TOR1AIP1: variants seen among roughly 807,000 people sequenced by gnomAD.
The protein encoded by TOR1AIP1 is torsin-1A-interacting protein 1.
A neutral mutation model predicts 63.3 loss-of-function variants in TOR1AIP1; 54 were observed. The ratio of observed to expected loss-of-function variants is 0.85; its 90% confidence interval spans 0.69 to 1.07. The LOEUF (loss-of-function observed/expected upper bound fraction) is 1.07. Ranked by LOEUF, TOR1AIP1 falls within the 50% of genes least tolerant of loss-of-function variation. The pLI is 0.00. For synonymous variants in TOR1AIP1, 294 were observed against 273.5 expected, an observed-to-expected ratio of 1.07 and a Z score of -0.74; for missense variants, 736 against 715.0, an observed-to-expected ratio of 1.03 and a Z score of -0.33.
At chr1:179,902,058 C>T (rs1216941669) in intron 5 of TOR1AIP1, among the ~76,000 whole-genome samples, 1 of 133,896 alleles carries the variant, frequency 7.5e-6, no homozygotes. Flanking sequence ...CAGAGTCTCA[C>T]TCTGTCACCC....
At position 179,901,407 on chromosome 1, in the gene TOR1AIP1, C is replaced by T. The variant is rs1224167074; in HGVS notation, c.739+19C>T. ...TCTGGAGGTAATATTGCTTTATATA[C>T]ATATGACTCTTCTCATAGAACTATC... On this transcript the variant is annotated intron_variant, in intron 5 of 9. Transcript: ENST00000606911. 1 of 1,468,346 alleles carries T rather than the reference C, an allele frequency of 6.8e-7. No homozygotes were observed. Among genetic ancestry groups the T allele is most frequent in the Admixed American group, 2.0e-5 (1 of 50,654 alleles). 91.0% of individuals were successfully genotyped at this position (1,468,346 alleles called of 1,614,324 possible).
At chr1:179,894,276 C>T (rs1013302857) in intron 3 of TOR1AIP1, among the ~76,000 whole-genome samples, 6 of 151,140 alleles carry the variant, frequency 4.0e-5, no homozygotes, top group African/African-American at 7.3e-5. Context: ...AGAATAAAGA[C>T]GACAAATCAC....
In TOR1AIP1 at chr1:179,889,290, G is replaced by A. The variant is rs374091003; in HGVS notation, c.554-23G>A. ...TTTCACATTTTATATATTTTTAAAT[G>A]TTTTCTCTTCCTATATTAGCAGTGA... On this transcript the variant is annotated intron_variant, in intron 2 of 9. Coordinates refer to ENST00000606911, the MANE Select transcript of TOR1AIP1 (RefSeq NM_015602.4). The A allele has an allele frequency of 5.8e-4, 903 of 1,551,918 alleles. No individual in the cohort carries two copies. Among genetic ancestry groups the A allele is most frequent in the Non-Finnish European group, 7.7e-4 (868 of 1,131,866 alleles).
intron 3 of TOR1AIP1, among the ~76,000 whole-genome samples, chr1:179,895,761 A>G (rs1648246471): frequency 6.6e-6 from 1 of 152,092 alleles, no homozygotes; most frequent in African/African-American, 2.4e-5. Flanking sequence ...TTAGCCGGGC[A>G]TGGTGGCACA....
intron 3 of TOR1AIP1, among the ~76,000 whole-genome samples, chr1:179,893,263 AAC>A (rs200066596): frequency 4.1e-5 from 6 of 148,040 alleles, no homozygotes; most frequent in Admixed American, 3.3e-4. Context: ...CAAACAAACA[AAC>A]AAAAAAAAAA....
intron 3 of TOR1AIP1, among the ~76,000 whole-genome samples, chr1:179,894,214 G>C (rs912227493): frequency 1.4e-5 from 2 of 147,542 alleles, no homozygotes; most frequent in African/African-American, 5.0e-5. Flanking sequence ...TCCCGCCACC[G>C]CACTCCAGCC....
intron 8 of TOR1AIP1, among the ~76,000 whole-genome samples, chr1:179,912,151 C>T (rs1330990487): frequency 6.6e-6 from 1 of 151,624 alleles, no homozygotes; most frequent in Non-Finnish European, 1.5e-5. Context: ...GCCTCAGCTT[C>T]CCAAGTAGCT....
chr1:179,909,383 T>TTTTTGTTTTG (rs144067149), intron 8 of TOR1AIP1, among the ~76,000 whole-genome samples: 2 of 147,644 alleles, frequency 1.4e-5, no homozygotes, highest in African/African-American at 5.0e-5. Context: ...TTTTTTCTGT[T>TTTTTGTTTTG]TTTTGTTTTG....
intron 9 of TOR1AIP1, among the ~76,000 whole-genome samples, 171 bp downstream of exon 9, chr1:179,914,225 C>CA (rs1415829767): frequency 6.6e-6 from 1 of 152,140 alleles, no homozygotes; most frequent in African/African-American, 2.4e-5. Flanking sequence ...TCTTTATAGA[C>CA]AAACTTTATG....
intron 3 of TOR1AIP1, among the ~76,000 whole-genome samples, chr1:179,896,989 ATTAT>A (rs1216216429): frequency 2.6e-5 from 4 of 152,204 alleles, no homozygotes; most frequent in Non-Finnish European, 4.4e-5. Context: ...GGGGATTATT[ATTAT>A]TTAAGATCTA....
In TOR1AIP1 at chr1:179,919,777, T is replaced by G. The variant is rs1002476592; in HGVS notation, c.*1538T>G. 1.3e-5 allele frequency: 2 copies of G among 152,242 alleles called. No homozygotes were observed. The highest frequency in any genetic ancestry group is 4.8e-5 in the African/African-American group (2 of 41,462). The allele number at this position is 152,242 out of a possible 1,614,324, so 9.4% of individuals were successfully genotyped here. ...TAGTAGAGTGGTTTAACGTCTTTCC[T>G]CTAGTACTACCAGTATTCATAAATG... On this transcript the variant is annotated 3_prime_UTR_variant, in exon 10 of 10. Transcript: ENST00000606911.
rs747838934 is a variant in TOR1AIP1, at chr1:179,882,668, G to C, written c.166G>C (p.Glu56Gln). ...TCCTCCGTCGCGCCAGGGCCGGCGG[G>C]AAGTGAGGTTCTCGGACGAGCCGCC... ...RTPPSRQGRR[E>Q]VRFSDEPPEV... The change falls in exon 1 of 10, where the codon GAA (glutamate) becomes CAA (glutamine). Residue 56 changes from glutamate to glutamine, a missense_variant. This residue lies in a region of TOR1AIP1 where 464 missense variants were observed against 371.0 expected (regional missense o/e 1.25). Transcript: ENST00000606911. 1.3e-6 allele frequency: 2 copies of C among 1,594,472 alleles called. No individual in the cohort carries two copies. Among genetic ancestry groups the C allele is most frequent in the East Asian group, 2.2e-5 (1 of 44,708 alleles).
rs199709287 is a variant in TOR1AIP1 at position 179,882,927 on chromosome 1, C to T, written c.425C>T (p.Pro142Leu). Residue 142 changes from proline to leucine, a missense_variant, in exon 1 of 10, where the codon CCG becomes CTG. Physicochemically the swap from Pro to Leu is moderately conservative, Grantham distance 98. Coordinates refer to ENST00000606911, the MANE Select transcript of TOR1AIP1 (RefSeq NM_015602.4). The part of the protein sequence containing the change: ...QQHSEQPPLQ[P>L]SPVMTRRGLR... ...CACTCAGAGCAGCCTCCGCTACAGC[C>T]GTCTCCTGTTATGACCAGGAGAGGG... 1.2e-5 allele frequency: 19 copies of T among 1,613,912 alleles called. No individual in the cohort carries two copies. The African/African-American group carries it at 2.1e-4, about 18-fold the overall frequency.
intron 2 of TOR1AIP1, among the ~76,000 whole-genome samples, chr1:179,886,488 C>T (rs1405227992): frequency 6.6e-6 from 1 of 152,156 alleles, no homozygotes; most frequent in African/African-American, 2.4e-5. Context: ...CCCTGCATAA[C>T]TCACAGGGCC....
intron 3 of TOR1AIP1, among the ~76,000 whole-genome samples, chr1:179,893,575 G>C (rs142198929): frequency 3.9e-5 from 6 of 152,006 alleles, no homozygotes; most frequent in African/African-American, 1.4e-4. Context: ...CAAGTAGCTG[G>C]GATTACAGGC....
chr1:179,913,474 C>G (rs979306925), intron 8 of TOR1AIP1: 1 of 656,666 alleles, frequency 1.5e-6, no homozygotes, highest in African/African-American at 1.8e-5. Context: ...AATACTGAAT[C>G]AGTTTGAGGT....
At chr1:179,885,117 A>G (rs115574472) in intron 2 of TOR1AIP1, among the ~76,000 whole-genome samples, 32 of 152,380 alleles carry the variant, frequency 2.1e-4, no homozygotes, top group African/African-American at 7.2e-4. Flanking sequence ...TTCAATGTCA[A>G]ATGAATGAAT....
At chr1:179,913,850 T>A in intron 8 of TOR1AIP1, 148 bp from the exon 9 acceptor site, 1 of 709,354 alleles carries the variant, frequency 1.4e-6, no homozygotes, top group Non-Finnish European at 2.4e-6. Context: ...TAATCGGCAC[T>A]CAGATATTCT....
chr1:179,903,624 A>G (rs1345615696), intron 5 of TOR1AIP1, among the ~76,000 whole-genome samples: 4 of 151,422 alleles, frequency 2.6e-5, no homozygotes, highest in Non-Finnish European at 5.9e-5. Context: ...CTCCTGCCCT[A>G]AGGCCTCCCG....
Sources: gnomAD v4.1 joint callset for allele counts (sites outside exome capture counted in the v4.1 genomes callset) on GRCh38, gnomAD v4.1.1 for gene constraint, gnomAD v4.1.1 regional missense constraint, MANE v1.5 for transcripts, NCBI Gene and HGNC (gene_info 2026-07-23, HGNC 2026-07-21) for gene names.